Variants in ART3 observed in about 807,000 individuals in gnomAD.
ART3 encodes the protein ecto-ADP-ribosyltransferase 3.
A neutral mutation model predicts 48.5 loss-of-function variants in ART3; 49 were observed. The ratio of observed to expected loss-of-function variants is 1.01; its 90% CI spans 0.80 to 1.28. The LOEUF is 1.28. ART3 is among the 50% of genes most tolerant of loss of function. ART3 has a pLI of 0.00. For missense variants in ART3, 438 were observed against 454.3 expected (o/e 0.96, Z 0.33); for synonymous variants, 145 against 157.2 (o/e 0.92, Z 0.58).
chr4:76,057,943 T>C (rs1164981998), intron 1 of ART3: 1 of 152,250 alleles, frequency 6.6e-6, no homozygotes, highest in Non-Finnish European at 1.5e-5. Context: ...GGTTTTTATT[T>C]GTAATATTCA....
chr4:76,046,804 A>G lies in ART3; in HGVS notation c.-9-29077A>G. On this transcript the variant is annotated intron_variant, in intron 1 of 9. Coordinates refer to the ART3 transcript ENST00000341029. ...GTGAAAAGAGCAAAGTCTCTCAATT[A>G]CAACTGAGGATGTGGGAGAAATACC... is the stretch of plus-strand genomic sequence containing the variant. Among the ~76,000 whole-genome samples, 2 of 152,066 alleles carry G rather than the reference A, an allele frequency of 1.3e-5. 1 individual carries two copies. The highest frequency in any genetic ancestry group is 2.9e-5 in the Non-Finnish European group (2 of 67,970).
At chr4:76,057,439 TA>T (rs1188547310) in intron 1 of ART3, among the ~76,000 whole-genome samples, 1 of 152,208 alleles carries the variant, frequency 6.6e-6, no homozygotes. Context: ...AAGATGTTAA[TA>T]TTAGGGGAAG....
At chr4:76,096,388 C>T (rs1294033050) in intron 3 of ART3, among the ~76,000 whole-genome samples, 6 of 152,214 alleles carry the variant, frequency 3.9e-5, no homozygotes, top group Non-Finnish European at 4.4e-5. Flanking sequence ...ACACTCACTA[C>T]AAATGGAGCA....
intron 3 of ART3, among the ~76,000 whole-genome samples, chr4:76,088,013 G>A (rs947796801): frequency 5.3e-5 from 8 of 152,062 alleles, no homozygotes; most frequent in African/African-American, 1.9e-4. Flanking sequence ...AGGATCCCTT[G>A]ACCCGAGGGA....
intron 10 of ART3, chr4:76,105,660 G>A (rs1019707109): frequency 8.3e-6 from 9 of 1,079,930 alleles, no homozygotes; most frequent in African/African-American, 1.7e-5. Context: ...CATCTGGGCT[G>A]TACACTTTCC....
At chr4:76,101,372 C>A (rs1366451213) in intron 8 of ART3, among the ~76,000 whole-genome samples, 1 of 152,114 alleles carries the variant, frequency 6.6e-6, no homozygotes, top group Non-Finnish European at 1.5e-5. Context: ...TTTCTGTCAC[C>A]AGCAATCTGA....
In ART3 at chr4:76,028,276, A is replaced by G. The variant is rs1379107663; in HGVS notation, c.-10+16956A>G. Among the ~76,000 whole-genome samples, 7 of 152,154 alleles carry G rather than the reference A, an allele frequency of 4.6e-5. No homozygotes were observed. The East Asian group carries it at 1.3e-3, about 29-fold the overall frequency. Reference sequence around the variant, plus strand: ...CATTTGAATAAAAATCTAAATGATAACTCTTTTTATATATTTCTCTCAATT... The same window carrying G: ...CATTTGAATAAAAATCTAAATGATAGCTCTTTTTATATATTTCTCTCAATT... On this transcript the variant is annotated intron_variant, in intron 1 of 9. Coordinates refer to the ART3 transcript ENST00000341029.
chr4:76,051,136 G>A (rs570274084), intron 1 of ART3, among the ~76,000 whole-genome samples: 29 of 152,392 alleles, frequency 1.9e-4, no homozygotes, highest in African/African-American at 6.0e-4. Context: ...GGCTCCTCAA[G>A]TGCCGCCAAA....
chr4:76,034,973 C>T, intron 1 of ART3: 1 of 1,446,862 alleles, frequency 6.9e-7, no homozygotes, highest in Non-Finnish European at 9.7e-7. Context: ...TGTAGTTGTC[C>T]ACATTATTTT....
chr4:76,057,722 A>G (rs973004713), intron 1 of ART3, among the ~76,000 whole-genome samples: 10 of 152,196 alleles, frequency 6.6e-5, no homozygotes, highest in Non-Finnish European at 1.5e-4. Flanking sequence ...ATAGCTAGAA[A>G]GTGGCTGAGT....
intron 1 of ART3, among the ~76,000 whole-genome samples, chr4:76,051,854 T>C (rs1324280126): frequency 6.6e-6 from 1 of 151,590 alleles, no homozygotes; most frequent in African/African-American, 2.4e-5. Flanking sequence ...CAATGAATTT[T>C]AAATAAGGAT....
At chr4:76,056,723 A>G (rs1007515763) in intron 1 of ART3, among the ~76,000 whole-genome samples, 2 of 152,030 alleles carry the variant, frequency 1.3e-5, no homozygotes, top group Non-Finnish European at 2.9e-5. Flanking sequence ...TCTCCCTAGG[A>G]AAAAAAATAC....
At chr4:76,014,573 C>T (rs768297821) in intron 1 of ART3, among the ~76,000 whole-genome samples, 3 of 151,952 alleles carry the variant, frequency 2.0e-5, no homozygotes, top group Non-Finnish European at 4.4e-5. Flanking sequence ...TCAAGTGGAC[C>T]AATATATGCT....
At chr4:76,110,394 T>C (rs1440966455) in intron 11 of ART3, among the ~76,000 whole-genome samples, 6 of 152,176 alleles carry the variant, frequency 3.9e-5, no homozygotes, top group Non-Finnish European at 7.4e-5. Flanking sequence ...TGCTATTTTA[T>C]ATAAGGGACT....
chr4:76,075,443 A>C (rs1015590691), intron 1 of ART3, among the ~76,000 whole-genome samples: 4 of 152,220 alleles, frequency 2.6e-5, no homozygotes, highest in African/African-American at 9.6e-5. Context: ...GATAATGTGC[A>C]TGGACATATT....
chr4:76,105,671 G>C, intron 10 of ART3: 1 of 1,053,350 alleles, frequency 9.5e-7, no homozygotes, highest in Non-Finnish European at 1.2e-6. Flanking sequence ...TACACTTTCC[G>C]ATATCCCAGT....
chr4:76,065,089 C>T (rs1310848737), intron 1 of ART3, among the ~76,000 whole-genome samples: 1 of 152,094 alleles, frequency 6.6e-6, no homozygotes, highest in African/African-American at 2.4e-5. Context: ...ACCTTGGCCT[C>T]CCAAAGTGCT....
chr4:76,106,137 CAA>C (rs1728422965), intron 10 of ART3: 6 of 985,266 alleles, frequency 6.1e-6, no homozygotes, highest in Admixed American at 6.2e-5. Flanking sequence ...AGAAGGCTAA[CAA>C]ATTTATAATA....
intron 1 of ART3, among the ~76,000 whole-genome samples, chr4:76,025,208 T>G (rs927985206): frequency 6.6e-6 from 1 of 152,152 alleles, no homozygotes; most frequent in Non-Finnish European, 1.5e-5. Flanking sequence ...AATGGAGGGA[T>G]CCTTCCATAC....
Sources: gnomAD v4.1 joint callset for allele counts (sites outside exome capture counted in the v4.1 genomes callset) on GRCh38, gnomAD v4.1.1 for gene constraint, MANE v1.5 for transcripts, NCBI Gene and HGNC (gene_info 2026-07-23, HGNC 2026-07-21) for gene names.